The following LGMN variants were observed in gnomAD, a reference collection of about 807,000 sequenced individuals.
The protein encoded by LGMN is legumain.
In LGMN, 36 loss-of-function variants were observed where a neutral mutation model predicts 56.8. The observed-to-expected ratio is 0.63, with a 90% CI of 0.49 to 0.84. LGMN has a LOEUF of 0.84. LGMN is among the 40% of genes least tolerant of loss of function. LGMN has a pLI of 0.00. For synonymous variants in LGMN, 199 were observed against 210.1 expected, an observed-to-expected ratio of 0.95 and a Z score of 0.46; for missense variants, 446 against 556.1, an observed-to-expected ratio of 0.80 and a Z score of 1.99.
In LGMN at chr14:92,704,002, AG is replaced by A. The variant is rs1889286285; in HGVS notation, c.*316del. ...TCTCAGAATAAAGACTCCTTTTGAG[AG>A]GGGCTACAGAAGCCCCCATGAGCTT... On this transcript the variant is annotated 3_prime_UTR_variant, in exon 14 of 14. Coordinates refer to ENST00000334869, the MANE Select transcript of LGMN (RefSeq NM_005606.7). 4.6e-6 allele frequency: 3 copies of A among 647,546 alleles called. No homozygotes were observed. The Admixed American group carries it at 8.1e-5, about 18-fold the overall frequency. 40.1% of individuals were successfully genotyped at this position (647,546 alleles called of 1,614,324 possible).
intron 2 of LGMN, among the ~76,000 whole-genome samples, chr14:92,719,251 A>ACCACCG (rs1890279219): frequency 4.0e-5 from 2 of 50,254 alleles, no homozygotes; most frequent in Non-Finnish European, 6.6e-5. Context: ...CACCGCCACC[A>ACCACCG]CCACCACCGC....
intron 1 of LGMN, among the ~76,000 whole-genome samples, chr14:92,738,237 G>A (rs894703879): frequency 3.1e-4 from 47 of 151,194 alleles, no homozygotes; most frequent in African/African-American, 1.1e-3. Flanking sequence ...CTAATCCTCT[G>A]TGAGAAAAGT....
At chr14:92,729,650 A>C (rs887243645) in intron 2 of LGMN, among the ~76,000 whole-genome samples, 1 of 152,202 alleles carries the variant, frequency 6.6e-6, no homozygotes, top group Non-Finnish European at 1.5e-5. Flanking sequence ...GTGGTAAATG[A>C]ATGTTGTGTT....
chr14:92,704,095 A>T lies in LGMN; in HGVS notation c.*224T>A. The T allele has an allele frequency of 1.4e-6, 1 of 707,840 alleles. No homozygotes were observed. The highest frequency in any genetic ancestry group is 2.0e-5 in the Admixed American group (1 of 50,006). The allele number at this position is 707,840 out of a possible 1,614,324, so 43.8% of individuals were successfully genotyped here. The stretch of plus-strand genomic sequence containing the variant: ...GAAAGCAAATATGACCCTTCTCAAT[A>T]CAGAGCTTTTCCCACCCTAATTTGT... On this transcript the variant is annotated 3_prime_UTR_variant, in exon 14 of 14. Transcript: ENST00000334869.
chr14:92,706,791 A>G (rs996530509), intron 11 of LGMN, 138 bp from the exon 12 acceptor site: 8 of 730,958 alleles, frequency 1.1e-5, no homozygotes, highest in Admixed American at 3.7e-5. Flanking sequence ...AATAACAATC[A>G]ATGTGCTCCG....
chr14:92,707,503 C>T (rs969378021), intron 11 of LGMN, among the ~76,000 whole-genome samples: 4 of 152,138 alleles, frequency 2.6e-5, no homozygotes, highest in Admixed American at 6.6e-5. Context: ...GAACAGCGCC[C>T]GACGGCGAAA....
intron 2 of LGMN, among the ~76,000 whole-genome samples, chr14:92,728,752 G>T (rs1843851998): frequency 6.6e-6 from 1 of 152,200 alleles, no homozygotes; most frequent in South Asian, 2.1e-4. Context: ...ATGGGCTGTG[G>T]AGCATGGACT....
Position 92,737,125 on chromosome 14 carries a change from G to A in LGMN, c.-29-4310C>T, listed in dbSNP as rs536222909. On this transcript the variant is annotated intron_variant, in intron 1 of 13. Coordinates refer to ENST00000334869, the MANE Select transcript of LGMN (RefSeq NM_005606.7). The stretch of plus-strand genomic sequence containing the variant: ...TAAATATTTTTGGCTTTGCAGGCCA[G>A]GCCATCTCTCTCACAACTATTCAAC... Among the ~76,000 whole-genome samples the A allele has an allele frequency of 3.3e-5, 5 of 152,234 alleles. 1 individual carries two copies. The South Asian group carries it at 1.0e-3, about 32-fold the overall frequency.
At chr14:92,735,486 T>C (rs933372339) in intron 1 of LGMN, among the ~76,000 whole-genome samples, 1 of 152,104 alleles carries the variant, frequency 6.6e-6, no homozygotes, top group African/African-American at 2.4e-5. Context: ...GGATTACAGG[T>C]GTGAGTCACC....
chr14:92,704,478 A>C, intron 13 of LGMN, 117 bp from the exon 14 acceptor site: 1 of 1,054,242 alleles, frequency 9.5e-7, no homozygotes. Flanking sequence ...AGCAGCTGTC[A>C]CTGAGAACGT....
At chr14:92,710,592 TAAC>T (rs1015924600) in intron 10 of LGMN, among the ~76,000 whole-genome samples, 21 of 152,226 alleles carry the variant, frequency 1.4e-4, no homozygotes, top group Non-Finnish European at 2.8e-4. Context: ...AACAATAATC[TAAC>T]AACAGTTCTA....
Position 92,704,230 on chromosome 14 carries a change from G to A in LGMN, c.*89C>T, listed in dbSNP as rs976904001. On this transcript the variant is annotated 3_prime_UTR_variant, in exon 14 of 14. Coordinates refer to ENST00000334869, the MANE Select transcript of LGMN (RefSeq NM_005606.7). ...GGCTCCCCAGGAGGGCCCGAGCAGC[G>A]GAGACTTCTCACTCCACCTCTCCAG... is the stretch of plus-strand genomic sequence containing the variant. 20 of 1,566,172 alleles carry A rather than the reference G, an allele frequency of 1.3e-5. No individual in the cohort carries two copies. Among genetic ancestry groups the A allele is most frequent in the Non-Finnish European group, 1.7e-5 (19 of 1,136,632 alleles).
chr14:92,746,852 C>T (rs1174653635), intron 1 of LGMN, among the ~76,000 whole-genome samples: 2 of 151,730 alleles, frequency 1.3e-5, no homozygotes, highest in Admixed American at 6.6e-5. Flanking sequence ...CTGGCTAACA[C>T]GGTGAAACCC....
Position 92,711,931 on chromosome 14 carries a change from G to A in LGMN, c.635C>T (p.Pro212Leu), listed in dbSNP as rs1889802884. 1 of 1,613,936 alleles carries A rather than the reference G, an allele frequency of 6.2e-7. No individual in the cohort carries two copies. The highest frequency in any genetic ancestry group is 8.5e-7 in the Non-Finnish European group (1 of 1,179,830). ...GTAACAGGCGTAGGACGACTCTCTG[G>A]GGTTGGCAGCAGTAGTTGCATAAAC... ...INVYATTAANPRESSYACYYD... is the reference protein window; with the variant it reads ...INVYATTAANLRESSYACYYD... The change falls in exon 9 of 14, where the codon CCC becomes CTC. Residue 212 changes from proline (P) to leucine (L), a missense_variant. Coordinates refer to ENST00000334869, the MANE Select transcript of LGMN (RefSeq NM_005606.7).
At chr14:92,732,544 C>G (rs1175748221) in intron 2 of LGMN, 105 bp downstream of exon 2, 32 of 1,301,648 alleles carry the variant, frequency 2.5e-5, no homozygotes, top group Non-Finnish European at 3.4e-5. Context: ...CCTAACAGGT[C>G]CGTCAATGGC....
intron 7 of LGMN, 75 bp from the exon 8 acceptor site, chr14:92,712,946 C>T: frequency 7.4e-7 from 1 of 1,349,240 alleles, no homozygotes; most frequent in Non-Finnish European, 1.0e-6. Context: ...GAGCTCTGCC[C>T]ACTCTCTCTA....
intron 2 of LGMN, among the ~76,000 whole-genome samples, chr14:92,724,554 G>A (rs7160021): frequency 0.035 from 5,280 of 152,294 alleles, 311 homozygotes; most frequent in African/African-American, 0.12. Context: ...CCCTAAATCC[G>A]TGTGACCTAT....
chr14:92,732,545 C>T, intron 2 of LGMN, 104 bp downstream of exon 2: 3 of 1,319,564 alleles, frequency 2.3e-6, no homozygotes, highest in East Asian at 2.3e-5. Context: ...CTAACAGGTC[C>T]GTCAATGGCT....
intron 2 of LGMN, among the ~76,000 whole-genome samples, chr14:92,722,238 C>G (rs138379951): frequency 7.3e-5 from 11 of 151,652 alleles, no homozygotes; most frequent in South Asian, 2.1e-4. Flanking sequence ...TTAAGGTGTA[C>G]ACATGTTATA....
Sources: allele counts gnomAD v4.1 joint callset (sites outside exome capture counted in the v4.1 genomes callset), GRCh38; gene constraint gnomAD v4.1.1; transcripts MANE v1.5; gene names NCBI Gene and HGNC (gene_info 2026-07-23, HGNC 2026-07-21).